STK32B: variants seen among roughly 807,000 people sequenced by gnomAD.
The protein encoded by STK32B is serine/threonine kinase 32B, also known as serine/threonine-protein kinase 32B.
A neutral mutation model predicts 52.6 loss-of-function variants in STK32B; 43 were observed. That is an observed-to-expected ratio of 0.82 (90% CI 0.64 to 1.05). STK32B has a LOEUF of 1.05. Ranked by LOEUF, STK32B falls within the 50% of genes least tolerant of loss-of-function variation. STK32B has a pLI of 0.00. For synonymous variants in STK32B, 238 were observed against 204.3 expected (o/e 1.17, Z -1.41); for missense variants, 621 against 534.6 (o/e 1.16, Z -1.59).
At chr4:5,318,161 GA>G (rs1350185117) in intron 3 of STK32B, among the ~76,000 whole-genome samples, 6 of 152,148 alleles carry the variant, frequency 3.9e-5, no homozygotes, top group African/African-American at 1.2e-4. Flanking sequence ...GTGATTGGGG[GA>G]AAGGGCAGAC....
intron 1 of STK32B, chr4:5,139,461 T>A (rs1288206556): frequency 1.2e-5 from 2 of 171,160 alleles, no homozygotes; most frequent in Non-Finnish European, 2.5e-5. Context: ...ACTCTAGTGT[T>A]TAATGCCTGG....
intron 3 of STK32B, among the ~76,000 whole-genome samples, chr4:5,196,720 CAAAAA>C (rs1721706605): frequency 1.1e-5 from 1 of 92,354 alleles, no homozygotes; most frequent in Non-Finnish European, 2.2e-5. Context: ...GACTCTGTCT[CAAAAA>C]AATAAAATAA....
In STK32B at chr4:5,400,989, C is replaced by T. The variant is rs1184771847; in HGVS notation, c.472+2745C>T. Among the ~76,000 whole-genome samples the T allele has an allele frequency of 2.6e-5, 4 of 152,090 alleles. No homozygotes were observed. Among genetic ancestry groups the T allele is most frequent in the Admixed American group, 1.3e-4 (2 of 15,284 alleles). On this transcript the variant is annotated intron_variant, in intron 5 of 11. Transcript: ENST00000282908. This position sits in a 1 kb window ranked among gnomAD's most constrained non-coding sequence, Gnocchi z 6.1. ...TGTGCGGGGTTGTCTTAGAGGCAGC[C>T]GCATGACAGTGGGATCCTGAAGGCA... is the stretch of plus-strand genomic sequence containing the variant.
In STK32B at chr4:5,416,775, A is replaced by T. The variant is rs535855406; in HGVS notation, c.473-70A>T. 1.8e-4 allele frequency: 244 copies of T among 1,393,856 alleles called. 1 individual carries two copies. The African/African-American group carries it at 2.9e-3, about 17-fold the overall frequency. 86.3% of individuals were successfully genotyped at this position (1,393,856 alleles called of 1,614,324 possible). On this transcript the variant is annotated intron_variant, in intron 5 of 11. Coordinates refer to ENST00000282908, the MANE Select transcript of STK32B (RefSeq NM_018401.3). ...TTTCTTCACGGTATCTCACCTTGCA[A>T]ACCACAGCTTTAAATAACCCAGCTG... is the stretch of plus-strand genomic sequence containing the variant.
chr4:5,434,670 A>C (rs1213196154), intron 6 of STK32B, among the ~76,000 whole-genome samples: 1 of 152,178 alleles, frequency 6.6e-6, no homozygotes, highest in African/African-American at 2.4e-5. Flanking sequence ...AAATGGAGGT[A>C]GTACCCACCT....
chr4:5,084,000 G>A (rs1712583762), intron 1 of STK32B, among the ~76,000 whole-genome samples: 1 of 152,180 alleles, frequency 6.6e-6, no homozygotes, highest in Non-Finnish European at 1.5e-5. Flanking sequence ...GCCTTGCAAT[G>A]TGCTGAGATT....
chr4:5,184,114 C>T (rs965873625), intron 3 of STK32B, among the ~76,000 whole-genome samples: 1 of 152,154 alleles, frequency 6.6e-6, no homozygotes, highest in African/African-American at 2.4e-5. Flanking sequence ...CAAAAGAACC[C>T]CAGCTTTTAA....
At chr4:5,109,300 A>G (rs903008302) in intron 1 of STK32B, among the ~76,000 whole-genome samples, 1 of 152,208 alleles carries the variant, frequency 6.6e-6, no homozygotes, top group Admixed American at 6.5e-5. Flanking sequence ...TCATTCATTC[A>G]TGTATTCATC....
chr4:5,139,566 T>G, intron 1 of STK32B: 1 of 269,176 alleles, frequency 3.7e-6, no homozygotes, highest in Non-Finnish European at 7.2e-6. Flanking sequence ...CCATGGGATT[T>G]ACTGGCAAGG....
chr4:5,376,326 T>C (rs76948065), intron 4 of STK32B, among the ~76,000 whole-genome samples: 5,045 of 152,292 alleles, frequency 0.033, 282 homozygotes, highest in African/African-American at 0.11. Flanking sequence ...AAATATTTAC[T>C]GTATGGCAGG....
intron 2 of STK32B, among the ~76,000 whole-genome samples, chr4:5,158,689 G>A (rs1341529630): frequency 1.3e-5 from 2 of 152,062 alleles, no homozygotes; most frequent in Non-Finnish European, 2.9e-5. Flanking sequence ...AATTGGCGGG[G>A]TTGGATTCTT....
chr4:5,448,296 G>A (rs1218634299), intron 7 of STK32B, among the ~76,000 whole-genome samples: 1 of 152,188 alleles, frequency 6.6e-6, no homozygotes, highest in Non-Finnish European at 1.5e-5. Flanking sequence ...GCTGCTGCGG[G>A]GCTGCATAAG....
At chr4:5,497,587 G>A (rs1248871056) in intron 11 of STK32B, among the ~76,000 whole-genome samples, 1 of 152,206 alleles carries the variant, frequency 6.6e-6, no homozygotes, top group African/African-American at 2.4e-5. Context: ...ATGAAGGGTT[G>A]GGGGAAGGAA....
At chr4:5,100,835 C>G (rs1219869927) in intron 1 of STK32B, among the ~76,000 whole-genome samples, 1 of 104,870 alleles carries the variant, frequency 9.5e-6, no homozygotes, top group Non-Finnish European at 1.9e-5. Flanking sequence ...TCCTTCCTTC[C>G]TTTCTTTTCT....
intron 3 of STK32B, among the ~76,000 whole-genome samples, chr4:5,195,860 A>T (rs991029930): frequency 1.3e-5 from 2 of 152,202 alleles, no homozygotes; most frequent in African/African-American, 4.8e-5. Context: ...CTTTTTATCA[A>T]CTCACTTGAA....
intron 2 of STK32B, among the ~76,000 whole-genome samples, chr4:5,147,268 A>C (rs1384433145): frequency 1.3e-5 from 2 of 152,108 alleles, no homozygotes; most frequent in African/African-American, 4.8e-5. Context: ...AATACAATAA[A>C]ATTTTTGTAT....
chr4:5,286,274 C>G (rs993588695), intron 3 of STK32B, among the ~76,000 whole-genome samples: 8 of 152,164 alleles, frequency 5.3e-5, no homozygotes, highest in African/African-American at 1.9e-4. Flanking sequence ...AACTAGACTT[C>G]TCAATAACTA....
intron 4 of STK32B, among the ~76,000 whole-genome samples, chr4:5,337,617 G>A (rs1370973059): frequency 6.6e-6 from 1 of 152,030 alleles, no homozygotes; most frequent in Non-Finnish European, 1.5e-5. Context: ...GACTTCTTCA[G>A]GAAAAGTGAT....
chr4:5,149,095 G>A (rs555497440), intron 2 of STK32B, among the ~76,000 whole-genome samples: 126 of 151,860 alleles, frequency 8.3e-4, no homozygotes, highest in Non-Finnish European at 1.6e-3. Context: ...AAAACGCTGT[G>A]TAAAGTTGGT....
Sources: gnomAD v4.1 joint callset for allele counts (sites outside exome capture counted in the v4.1 genomes callset) on GRCh38, gnomAD v4.1.1 for gene constraint, Gnocchi (gnomAD v3.1) non-coding constraint, MANE v1.5 for transcripts, NCBI Gene and HGNC (gene_info 2026-07-23, HGNC 2026-07-21) for gene names.